IQCM: variants seen among roughly 807,000 people sequenced by gnomAD.
The protein encoded by IQCM is IQ motif containing M.
IQCM carries 45 observed loss-of-function variants against 57.6 expected under a neutral mutation model. The observed-to-expected ratio is 0.78, with a 90% CI of 0.62 to 1.00. The LOEUF (loss-of-function observed/expected upper bound fraction) is 1.00, where lower values mean the gene tolerates loss of function less well. Ranked by LOEUF, IQCM falls within the 50% of genes least tolerant of loss-of-function variation. IQCM has a pLI of 0.00. For missense variants in IQCM, 468 were observed against 511.6 expected (o/e 0.91, Z 0.82); for synonymous variants, 148 against 158.9 (o/e 0.93, Z 0.51).
intron 6 of IQCM, 29 bp downstream of exon 6, chr4:149,686,349 T>C: frequency 9.6e-7 from 1 of 1,043,478 alleles, no homozygotes; most frequent in Non-Finnish European, 1.2e-6. Flanking sequence ...AAATATATAT[T>C]TTCTATAGGT....
chr4:149,607,173 A>G (rs1410696600), intron 8 of IQCM, among the ~76,000 whole-genome samples: 1 of 152,140 alleles, frequency 6.6e-6, no homozygotes, highest in African/African-American at 2.4e-5. Flanking sequence ...AAAAGAAAAA[A>G]AAAGCAAATC....
intron 13 of IQCM, among the ~76,000 whole-genome samples, chr4:149,399,516 C>G (rs991497905): frequency 6.6e-6 from 1 of 151,916 alleles, no homozygotes; most frequent in Non-Finnish European, 1.5e-5. Context: ...AGCTCTGCCT[C>G]AAATAGCAAC....
intron 8 of IQCM, among the ~76,000 whole-genome samples, chr4:149,593,268 G>T (rs1753393913): frequency 1.3e-5 from 2 of 152,104 alleles, no homozygotes; most frequent in Middle Eastern, 3.4e-3. Flanking sequence ...GTCTGTTATT[G>T]GTGTATAGGA....
At chr4:149,370,647 C>T (rs1164563098) in intron 13 of IQCM, among the ~76,000 whole-genome samples, 1 of 152,008 alleles carries the variant, frequency 6.6e-6, no homozygotes, top group Admixed American at 6.6e-5. Context: ...TCTGTGAATG[C>T]ACTTGCAGAC....
In IQCM at chr4:149,676,432, T is replaced by C. The variant is rs368957575; in HGVS notation, c.565+5686A>G. On this transcript the variant is annotated intron_variant, in intron 7 of 13. Coordinates refer to ENST00000636793, the MANE Select transcript of IQCM (RefSeq NM_001363507.2). Reference sequence around the variant, plus strand: ...TTATGCATTAAAATTTATATGAATGTAGGAAGTTGCGACTAATTATGGTAG... The same window carrying C: ...TTATGCATTAAAATTTATATGAATGCAGGAAGTTGCGACTAATTATGGTAG... 2.0e-5 allele frequency among the ~76,000 whole-genome samples: 3 copies of C among 152,202 alleles called. 1 individual carries two copies.
At chr4:149,668,272 T>C (rs958980978) in intron 7 of IQCM, among the ~76,000 whole-genome samples, 3 of 152,110 alleles carry the variant, frequency 2.0e-5, no homozygotes, top group African/African-American at 7.2e-5. Flanking sequence ...GGGCCAATAT[T>C]CAACGTTCTT....
chr4:149,488,802 G>T (rs1741790544), intron 12 of IQCM, among the ~76,000 whole-genome samples: 1 of 151,992 alleles, frequency 6.6e-6, no homozygotes, highest in African/African-American at 2.4e-5. Context: ...TAATTCCCAA[G>T]AAGAGAAAAG....
At chr4:149,552,481 T>C (rs1339034432) in intron 11 of IQCM, among the ~76,000 whole-genome samples, 1 of 152,202 alleles carries the variant, frequency 6.6e-6, no homozygotes, top group East Asian at 1.9e-4. Flanking sequence ...AATATAAATA[T>C]AAATTGAGAT....
At chr4:149,779,053 T>C (rs528546332) in intron 2 of IQCM, among the ~76,000 whole-genome samples, 1 of 152,254 alleles carries the variant, frequency 6.6e-6, no homozygotes. Context: ...CTCATATTCA[T>C]CATGAATATA....
At chr4:149,425,318 C>T (rs1367887567) in intron 13 of IQCM, among the ~76,000 whole-genome samples, 2 of 151,944 alleles carry the variant, frequency 1.3e-5, no homozygotes, top group Non-Finnish European at 2.9e-5. Context: ...CTAGCTCATG[C>T]CATTGCAAAG....
At chr4:149,721,730 T>C (rs1765465355) in intron 5 of IQCM, among the ~76,000 whole-genome samples, 1 of 152,156 alleles carries the variant, frequency 6.6e-6, no homozygotes, top group Non-Finnish European at 1.5e-5. Flanking sequence ...TCTTCGCAAT[T>C]GTGAATTGTG....
At chr4:149,733,134 T>C in intron 5 of IQCM, 110 bp downstream of exon 5, 1 of 996,780 alleles carries the variant, frequency 1.0e-6, no homozygotes, top group African/African-American at 1.7e-5. Flanking sequence ...ATTGTTAAGA[T>C]TTAAAGTTCA....
chr4:149,377,758 G>A (rs1730794376), intron 13 of IQCM, among the ~76,000 whole-genome samples: 1 of 152,120 alleles, frequency 6.6e-6, no homozygotes, highest in South Asian at 2.1e-4. Context: ...TGCATTCAGA[G>A]ACATGCGGGT....
At chr4:149,586,389 A>T (rs1267799343) in intron 9 of IQCM, among the ~76,000 whole-genome samples, 1 of 151,670 alleles carries the variant, frequency 6.6e-6, no homozygotes, top group Non-Finnish European at 1.5e-5. Flanking sequence ...TGCAAATGAC[A>T]TGAAGTTATT....
intron 12 of IQCM, among the ~76,000 whole-genome samples, chr4:149,453,480 A>T (rs1187348776): frequency 2.6e-5 from 4 of 151,920 alleles, no homozygotes; most frequent in Non-Finnish European, 5.9e-5. Context: ...ATTTGTGGTA[A>T]TGGACTTGTA....
At chr4:149,646,919 G>A (rs1019764761) in intron 7 of IQCM, among the ~76,000 whole-genome samples, 9 of 152,170 alleles carry the variant, frequency 5.9e-5, no homozygotes, top group Admixed American at 5.2e-4. Flanking sequence ...AGGGGGTAGA[G>A]GTTGCAGTGA....
chr4:149,438,349 T>A (rs1481941648), intron 12 of IQCM, among the ~76,000 whole-genome samples: 1 of 152,144 alleles, frequency 6.6e-6, no homozygotes, highest in Admixed American at 6.6e-5. Flanking sequence ...TAATAAATAA[T>A]GAATGATATT....
chr4:149,679,220 T>A (rs1452399455), intron 7 of IQCM, among the ~76,000 whole-genome samples: 1 of 151,668 alleles, frequency 6.6e-6, no homozygotes, highest in East Asian at 1.9e-4. Context: ...TGAAATCCTG[T>A]CATTTGTGAC....
chr4:149,570,358 A>G (rs147223170), intron 9 of IQCM, among the ~76,000 whole-genome samples: 1 of 152,190 alleles, frequency 6.6e-6, no homozygotes, highest in African/African-American at 2.4e-5. Flanking sequence ...CGTGGATTTA[A>G]TCTTTACGTG....
Sources: gnomAD v4.1 joint callset for allele counts (sites outside exome capture counted in the v4.1 genomes callset) on GRCh38, gnomAD v4.1.1 for gene constraint, MANE v1.5 for transcripts, NCBI Gene and HGNC (gene_info 2026-07-23, HGNC 2026-07-21) for gene names.